The following SNTG2 variants were observed in gnomAD, a reference collection of about 807,000 sequenced individuals.
The protein encoded by SNTG2 is gamma-2-syntrophin.
Under a neutral mutation model 70.9 loss-of-function variants are expected in SNTG2, and 74 were observed. The observed-to-expected ratio is 1.04, with a 90% CI of 0.86 to 1.27. The LOEUF is 1.27. Among genes scored for constraint, SNTG2 ranks in the 50% most tolerant of loss-of-function variants. SNTG2 has a pLI of 0.00. For missense variants in SNTG2, 717 were observed against 690.7 expected (o/e 1.04, Z -0.43); for synonymous variants, 278 against 273.8 (o/e 1.02, Z -0.15).
Position 1,165,580 on chromosome 2 carries a change from T to A in SNTG2, c.444T>A (p.Val148=). The change falls in exon 7 of 17, where the codon GTT becomes GTA. Residue 148 remains valine, a synonymous_variant. Coordinates refer to ENST00000308624, the MANE Select transcript of SNTG2 (RefSeq NM_018968.4). ...TGCTGAGAAATGCTGGCGATGAAGT[T>A]ACCATCACCGTTGAGTATCTCAGGG... ...VHLLRNAGDE[V]TITVEYLREA... 6.2e-7 allele frequency: 1 copy of A among 1,613,238 alleles called. No individual in the cohort carries two copies.
intron 6 of SNTG2, among the ~76,000 whole-genome samples, chr2:1,157,643 C>T (rs1669992796): frequency 6.6e-6 from 1 of 152,198 alleles, no homozygotes; most frequent in South Asian, 2.1e-4. Context: ...AGGTCTGTTT[C>T]TTTATTAACA....
Position 1,267,436 on chromosome 2 carries a change from C to G in SNTG2, c.1149C>G (p.Asp383Glu), listed in dbSNP as rs1678802296. The G allele has an allele frequency of 1.9e-6, 3 of 1,612,760 alleles. No individual in the cohort carries two copies. The highest frequency in any genetic ancestry group is 2.7e-5 in the African/African-American group (2 of 74,902). Residue 383 changes from aspartate (D) to glutamate (E), a missense_variant, in exon 14 of 17, where the codon GAC becomes GAG. Coordinates refer to ENST00000308624, the MANE Select transcript of SNTG2 (RefSeq NM_018968.4). ...GTCTTCAAGATTTTGACTTTGAGGA[C>G]CAGAGGCCCTATTGCTTCAGCATCG... ...YLGLQDFDFEDQRPYCFSIVA... is the reference protein window; with the variant it reads ...YLGLQDFDFEEQRPYCFSIVA...
intron 1 of SNTG2, among the ~76,000 whole-genome samples, chr2:1,008,553 A>C (rs1398697023): frequency 1.3e-5 from 2 of 152,342 alleles, no homozygotes; most frequent in East Asian, 3.9e-4. Context: ...ACATGCATGA[A>C]TTTCAGACTA....
chr2:1,311,374 T>C (rs1331036603), intron 15 of SNTG2, among the ~76,000 whole-genome samples: 1 of 152,164 alleles, frequency 6.6e-6, no homozygotes. Context: ...AACCTGAAAA[T>C]AGCACATGAC....
At chr2:1,366,232 A>C (rs116813463) in intron 16 of SNTG2, among the ~76,000 whole-genome samples, 212 of 152,346 alleles carry the variant, frequency 1.4e-3, no homozygotes, top group African/African-American at 5.0e-3. Context: ...AAGAAGAAAG[A>C]CAACATTAGA....
intron 16 of SNTG2, among the ~76,000 whole-genome samples, chr2:1,319,683 A>G (rs1681435944): frequency 2.0e-5 from 3 of 152,244 alleles, no homozygotes; most frequent in Non-Finnish European, 4.4e-5. Flanking sequence ...GGATGACAGC[A>G]TTTCCCACCT....
At chr2:1,152,180 C>T (rs2147809518) in intron 6 of SNTG2, among the ~76,000 whole-genome samples, 1 of 152,244 alleles carries the variant, frequency 6.6e-6, no homozygotes, top group Non-Finnish European at 1.5e-5. Context: ...ATCATGGTGT[C>T]CACTCTCGAA....
intron 6 of SNTG2, among the ~76,000 whole-genome samples, chr2:1,152,607 T>G (rs1669587479): frequency 7.8e-6 from 1 of 128,060 alleles, no homozygotes; most frequent in African/African-American, 3.7e-5. Flanking sequence ...CATGTGTGTA[T>G]GTGTGCACAT....
At chr2:978,589 G>A (rs908722085) in intron 1 of SNTG2, among the ~76,000 whole-genome samples, 3 of 152,056 alleles carry the variant, frequency 2.0e-5, no homozygotes, top group East Asian at 1.9e-4. Flanking sequence ...TTTCCCCCAC[G>A]TTTGCTGAAG....
At chr2:956,301 T>C (rs2147941032) in intron 1 of SNTG2, among the ~76,000 whole-genome samples, 1 of 146,714 alleles carries the variant, frequency 6.8e-6, no homozygotes, top group East Asian at 2.0e-4. Context: ...CGCCTGCCCC[T>C]GCTGGGCATT....
chr2:1,034,390 T>C (rs10202450), intron 1 of SNTG2, among the ~76,000 whole-genome samples: 8 of 152,252 alleles, frequency 5.3e-5, no homozygotes, highest in African/African-American at 1.9e-4. Flanking sequence ...GTCTTTGTTA[T>C]TGTGAATAGC....
chr2:1,172,719 G>A (rs1671204479), intron 7 of SNTG2, among the ~76,000 whole-genome samples: 1 of 152,176 alleles, frequency 6.6e-6, no homozygotes, highest in Admixed American at 6.5e-5. Context: ...GGCCTGGTAT[G>A]ATCATCTCCT....
At chr2:1,349,497 G>A (rs953237027) in intron 16 of SNTG2, among the ~76,000 whole-genome samples, 2 of 152,200 alleles carry the variant, frequency 1.3e-5, no homozygotes, top group African/African-American at 2.4e-5. Flanking sequence ...TTTGGTCCTT[G>A]AACAAGAACA....
chr2:1,074,619 C>T (rs1663802428), intron 1 of SNTG2, among the ~76,000 whole-genome samples: 1 of 152,138 alleles, frequency 6.6e-6, no homozygotes, highest in Non-Finnish European at 1.5e-5. Context: ...GAATTTAATT[C>T]ATTCACCCCT....
chr2:1,031,523 TA>T (rs1213660634), intron 1 of SNTG2, among the ~76,000 whole-genome samples: 47 of 60,780 alleles, frequency 7.7e-4, no homozygotes, highest in Non-Finnish European at 1.2e-3. Context: ...TATATATATA[TA>T]TATATTTTTT....
chr2:1,363,838 C>T (rs2148323839), intron 16 of SNTG2, among the ~76,000 whole-genome samples: 1 of 152,322 alleles, frequency 6.6e-6, no homozygotes, highest in East Asian at 1.9e-4. Context: ...TATTCAGTAT[C>T]TGGATCATGA....
intron 12 of SNTG2, chr2:1,256,579 T>C (rs2148158024): frequency 6.6e-6 from 1 of 152,194 alleles, no homozygotes; most frequent in South Asian, 2.1e-4. Flanking sequence ...ACTCGTGAAA[T>C]AAAAAGTGAG....
At chr2:1,088,968 A>C (rs1664850306) in intron 2 of SNTG2, among the ~76,000 whole-genome samples, 1 of 152,232 alleles carries the variant, frequency 6.6e-6, no homozygotes, top group Admixed American at 6.5e-5. Flanking sequence ...TGTAAGACAC[A>C]AAGTGCTGGG....
chr2:1,125,220 G>C (rs1667626039), intron 4 of SNTG2, among the ~76,000 whole-genome samples: 1 of 152,084 alleles, frequency 6.6e-6, no homozygotes, highest in Admixed American at 6.6e-5. Context: ...ACTATAAATA[G>C]CTACTAAAGT....
Sources: allele counts gnomAD v4.1 joint callset (sites outside exome capture counted in the v4.1 genomes callset), GRCh38; gene constraint gnomAD v4.1.1; transcripts MANE v1.5; gene names NCBI Gene and HGNC (gene_info 2026-07-23, HGNC 2026-07-21).